The following LCORL variants were observed in gnomAD, a reference collection of about 807,000 sequenced individuals.
LCORL encodes ligand dependent nuclear receptor corepressor like, also known as ligand-dependent nuclear receptor corepressor-like protein.
In LCORL, 41 loss-of-function variants were observed where a neutral mutation model predicts 141.8. The ratio of observed to expected loss-of-function variants is 0.29; its 90% CI spans 0.23 to 0.38. LCORL has a LOEUF of 0.38. Ranked by LOEUF, LCORL falls within the 10% of genes least tolerant of loss-of-function variation. The pLI is 1.00. For synonymous variants in LCORL, 618 were observed against 694.1 expected, an observed-to-expected ratio of 0.89 and a Z score of 1.72; for missense variants, 1,759 against 2,035.0, an observed-to-expected ratio of 0.86 and a Z score of 2.61.
chr4:17,852,434 T>G (rs1723858438), intron 7 of LCORL, among the ~76,000 whole-genome samples: 2 of 152,108 alleles, frequency 1.3e-5, no homozygotes, highest in Non-Finnish European at 2.9e-5. Context: ...CTTACAGATT[T>G]GTTGTGACAA....
chr4:17,884,357 A>G lies in LCORL; in HGVS notation c.776+1711T>C. On this transcript the variant is annotated intron_variant, in intron 6 of 7. Transcript: ENST00000635767. The surrounding 1 kb of genome is among the most constrained non-coding windows in gnomAD (Gnocchi z 4.4). ...TTCATTTTTTTCTTTAAACTGAGTG[A>G]CCATTTTCTGTAGAGTTAGCTGATG... 6.5e-7 allele frequency: 1 copy of G among 1,547,070 alleles called. No homozygotes were observed. Among genetic ancestry groups the G allele is most frequent in the Non-Finnish European group, 8.7e-7 (1 of 1,145,420 alleles).
chr4:17,894,247 C>T (rs1207740854), intron 5 of LCORL, among the ~76,000 whole-genome samples: 1 of 152,110 alleles, frequency 6.6e-6, no homozygotes, highest in Non-Finnish European at 1.5e-5. Flanking sequence ...TAAGTTGAAC[C>T]ATCTTAAGTT....
chr4:18,018,255 G>A (rs923738840), intron 1 of LCORL, among the ~76,000 whole-genome samples: 23 of 152,098 alleles, frequency 1.5e-4, no homozygotes, highest in Admixed American at 1.4e-3. Context: ...GACTATATTT[G>A]CTATTTCTCA....
rs141955721 is a variant in LCORL at position 17,923,421 on chromosome 4, G to A, written c.431-14076C>T. Among the ~76,000 whole-genome samples the A allele has an allele frequency of 3.3e-3, 510 of 152,308 alleles. 4 individuals carry two copies. Among genetic ancestry groups the A allele is most frequent in the African/African-American group, 0.011 (463 of 41,576 alleles). The stretch of plus-strand genomic sequence containing the variant: ...AACACTTTGGAAGGCCAAGGCAGGC[G>A]GATAATTTGAGGTCAGGAGTTCGAG... On this transcript the variant is annotated intron_variant, in intron 4 of 7. Transcript: ENST00000635767.
intron 5 of LCORL, among the ~76,000 whole-genome samples, chr4:17,886,377 A>G (rs1284590248): frequency 6.6e-6 from 1 of 152,068 alleles, no homozygotes; most frequent in Non-Finnish European, 1.5e-5. Flanking sequence ...GCCAGGTGAT[A>G]GGAAGAAACT....
chr4:17,896,524 C>T (rs1729952397), intron 5 of LCORL, among the ~76,000 whole-genome samples: 2 of 152,260 alleles, frequency 1.3e-5, no homozygotes, highest in South Asian at 4.1e-4. Flanking sequence ...TCAGGTGATC[C>T]ACCCGCCTTG....
intron 2 of LCORL, 97 bp from the exon 3 acceptor site, chr4:17,963,146 T>C (rs1462097116): frequency 7.3e-6 from 4 of 549,426 alleles, no homozygotes; most frequent in Non-Finnish European, 1.3e-5. Context: ...ATAATAATTT[T>C]TAAAAAACTA....
chr4:17,922,792 G>C (rs569363392), intron 4 of LCORL, among the ~76,000 whole-genome samples: 1 of 152,164 alleles, frequency 6.6e-6, no homozygotes, highest in Non-Finnish European at 1.5e-5. Context: ...AACCTGATGA[G>C]GCTGGGAACA....
intron 4 of LCORL, among the ~76,000 whole-genome samples, chr4:17,921,173 A>G (rs1287617770): frequency 2.0e-5 from 3 of 150,430 alleles, no homozygotes; most frequent in East Asian, 3.9e-4. Flanking sequence ...ACAGGCACAC[A>G]CCACCACACC....
chr4:17,890,251 T>C (rs1728886434), intron 5 of LCORL, among the ~76,000 whole-genome samples: 2 of 152,104 alleles, frequency 1.3e-5, no homozygotes, highest in South Asian at 4.1e-4. Context: ...ACACTTGGTG[T>C]TGCTGTGATT....
chr4:17,940,841 C>A (rs1331471102), intron 4 of LCORL, among the ~76,000 whole-genome samples: 4 of 151,830 alleles, frequency 2.6e-5, no homozygotes, highest in Non-Finnish European at 5.9e-5. Flanking sequence ...AATCTCTGAG[C>A]TAGAAAGTAA....
intron 2 of LCORL, among the ~76,000 whole-genome samples, chr4:17,970,548 A>C (rs1446758581): frequency 1.3e-5 from 2 of 152,200 alleles, no homozygotes; most frequent in Non-Finnish European, 2.9e-5. Context: ...GAAATAGAAC[A>C]TAACAGCTGC....
chr4:17,911,808 G>T, intron 4 of LCORL: 1 of 454,848 alleles, frequency 2.2e-6, no homozygotes, highest in South Asian at 1.8e-5. Context: ...CTGGTTCCCT[G>T]ATCTCCATGT....
chr4:17,948,151 A>G (rs965533503), intron 4 of LCORL, among the ~76,000 whole-genome samples: 1 of 151,966 alleles, frequency 6.6e-6, no homozygotes, highest in Non-Finnish European at 1.5e-5. Flanking sequence ...AAATATGAAC[A>G]CCTGCATGGT....
At chr4:17,994,492 A>C (rs542730521) in intron 1 of LCORL, among the ~76,000 whole-genome samples, 16 of 152,318 alleles carry the variant, frequency 1.1e-4, no homozygotes, top group African/African-American at 3.8e-4. Flanking sequence ...TAAAAATTGT[A>C]GTTTAAGAAT....
At chr4:17,883,146 G>A (rs75066477) in intron 6 of LCORL, 25,955 of 979,334 alleles carry the variant, frequency 0.027, 407 homozygotes, top group African/African-American at 0.056. Flanking sequence ...TATTCCTGGT[G>A]GATGCACTTG....
chr4:17,909,107 T>C, exon 5 of LCORL: 1 of 1,597,232 alleles, frequency 6.3e-7, no homozygotes. Flanking sequence ...GCTGAGTATT[T>C]TGTTCTTGCA....
chr4:17,984,693 A>C (rs934987134), intron 1 of LCORL, among the ~76,000 whole-genome samples: 3 of 151,914 alleles, frequency 2.0e-5, no homozygotes, highest in African/African-American at 7.2e-5. Flanking sequence ...GTATTTTATT[A>C]ATTTTTTCAA....
At chr4:17,883,960 C>T in intron 6 of LCORL, 17 of 1,550,732 alleles carry the variant, frequency 1.1e-5, no homozygotes, top group Non-Finnish European at 1.5e-5. Context: ...GATCATATTG[C>T]CGATAGCGGC....
Sources: gnomAD v4.1 joint callset for allele counts (sites outside exome capture counted in the v4.1 genomes callset) on GRCh38, gnomAD v4.1.1 for gene constraint, Gnocchi (gnomAD v3.1) non-coding constraint, MANE v1.5 for transcripts, NCBI Gene and HGNC (gene_info 2026-07-23, HGNC 2026-07-21) for gene names.